Variants in ILKAP observed in about 807,000 individuals in gnomAD.
ILKAP encodes the protein ILK associated serine/threonine phosphatase.
Under a neutral mutation model 49.1 loss-of-function variants are expected in ILKAP, and 11 were observed. That is an observed-to-expected ratio of 0.22 (90% CI 0.14 to 0.37). The LOEUF is 0.37. Ranked by LOEUF, ILKAP falls within the 10% of genes least tolerant of loss-of-function variation. ILKAP has a pLI of 1.00. For missense variants in ILKAP, 363 were observed against 510.8 expected, an observed-to-expected ratio of 0.71 and a Z score of 2.79; for synonymous variants, 186 against 192.8, an observed-to-expected ratio of 0.96 and a Z score of 0.29.
chr2:238,191,057 T>C (rs188295424), intron 3 of ILKAP, among the ~76,000 whole-genome samples: 3 of 152,248 alleles, frequency 2.0e-5, no homozygotes, highest in East Asian at 3.9e-4. Context: ...TGTGTTCAAG[T>C]GATCCTTCCA....
intron 1 of ILKAP, among the ~76,000 whole-genome samples, chr2:238,195,877 T>C (rs544229690): frequency 4.6e-5 from 7 of 151,464 alleles, no homozygotes; most frequent in East Asian, 2.0e-4. Context: ...AAAATGTCTA[T>C]GAAAAAAATA....
intron 9 of ILKAP, among the ~76,000 whole-genome samples, chr2:238,178,342 T>C (rs566010391): frequency 6.6e-6 from 1 of 152,270 alleles, no homozygotes; most frequent in East Asian, 1.9e-4. Flanking sequence ...CCACCAGAAC[T>C]GGCTCCATGG....
At position 238,170,547 on chromosome 2, in the gene ILKAP, T is replaced by C. The variant is rs1693164918; in HGVS notation, c.1168A>G (p.Ile390Val). 5 of 1,603,132 alleles carry C rather than the reference T, an allele frequency of 3.1e-6. No homozygotes were observed. Among genetic ancestry groups the C allele is most frequent in the Non-Finnish European group, 4.3e-6 (5 of 1,171,690 alleles). The change falls in exon 12 of 12, where the codon ATA becomes GTA. Residue 390 changes from isoleucine to valine, a missense_variant. By Grantham distance (29) the Ile-to-Val change is conservative. Around this residue, in one of 3 missense-constraint regions of ILKAP, gnomAD observed 83 missense variants for 87.5 expected, o/e 0.95. Transcript: ENST00000254654. ...CCGCGCGCCACCCCTCAGTGCCCTA[T>C]CCGCACCACCATCACAGTGACGTTG... ...ADNVTVMVVR[I>V]GH
chr2:238,173,443 C>T (rs2106325673), intron 10 of ILKAP, 91 bp downstream of exon 10: 1 of 1,522,232 alleles, frequency 6.6e-7, no homozygotes, highest in Non-Finnish European at 9.0e-7. Flanking sequence ...TGCACACCTT[C>T]CCTCCAACAA....
At chr2:238,190,146 G>GA (rs1694063087) in intron 3 of ILKAP, among the ~76,000 whole-genome samples, 174 bp from the exon 4 acceptor site, 2 of 152,058 alleles carry the variant, frequency 1.3e-5, no homozygotes, top group African/African-American at 4.8e-5. Flanking sequence ...GGGGAGGGGG[G>GA]TCCCACAGTG....
intron 3 of ILKAP, among the ~76,000 whole-genome samples, chr2:238,191,379 T>A (rs894750999): frequency 2.0e-5 from 3 of 152,178 alleles, no homozygotes; most frequent in African/African-American, 7.2e-5. Context: ...GTGTCAGACA[T>A]TTCTTAGTGC....
At chr2:238,182,445 T>C (rs56236115) in intron 8 of ILKAP, among the ~76,000 whole-genome samples, 42,209 of 152,072 alleles carry the variant, frequency 0.28, 6,236 homozygotes, top group South Asian at 0.37. Context: ...TACAGACAAG[T>C]GCTCACTCTG....
intron 3 of ILKAP, among the ~76,000 whole-genome samples, chr2:238,192,011 G>C (rs1389115006): frequency 6.7e-6 from 1 of 149,480 alleles, no homozygotes; most frequent in Non-Finnish European, 1.5e-5. Flanking sequence ...AAGAGATTGA[G>C]ACCATCCTGG....
At chr2:238,188,866 T>A (rs549650357) in intron 4 of ILKAP, among the ~76,000 whole-genome samples, 2 of 152,302 alleles carry the variant, frequency 1.3e-5, no homozygotes, top group South Asian at 4.1e-4. Flanking sequence ...AATAATAAAA[T>A]GAACACTGTG....
At chr2:238,200,737 A>G (rs1694533458) in intron 1 of ILKAP, among the ~76,000 whole-genome samples, 1 of 152,196 alleles carries the variant, frequency 6.6e-6, no homozygotes. Flanking sequence ...TGGAAGAATC[A>G]CCTGTGCCCA....
chr2:238,181,463 G>C (rs1265294929), intron 9 of ILKAP, among the ~76,000 whole-genome samples: 1 of 152,172 alleles, frequency 6.6e-6, no homozygotes, highest in Non-Finnish European at 1.5e-5. Flanking sequence ...AAATGAAACT[G>C]CAAAAGACAG....
chr2:238,171,831 G>A (rs1323779259), intron 10 of ILKAP, among the ~76,000 whole-genome samples: 1 of 152,134 alleles, frequency 6.6e-6, no homozygotes, highest in African/African-American at 2.4e-5. Flanking sequence ...GTGTTCCTGT[G>A]TTTGAAAACC....
Position 238,185,275 on chromosome 2 carries a change from T to A in ILKAP, c.438A>T (p.Ser146=). Residue 146 remains serine (S), a synonymous_variant, in exon 6 of 12, where the codon TCA becomes TCT. Transcript: ENST00000254654. ...CATGTCCATCAAAAACAGCAAAATA[T>A]GAAACCCGAGTACTGAAAGAACGAA... is the stretch of plus-strand genomic sequence containing the variant. ...RPPSSLITRV[S]YFAVFDGHGG... is the part of the protein sequence containing the mutation. The A allele has an allele frequency of 6.2e-7, 1 of 1,609,822 alleles. No individual in the cohort carries two copies. Among genetic ancestry groups the A allele is most frequent in the South Asian group, 1.1e-5 (1 of 90,952 alleles).
intron 2 of ILKAP, 127 bp downstream of exon 2, chr2:238,194,678 A>T: frequency 1.0e-6 from 1 of 965,086 alleles, no homozygotes; most frequent in Non-Finnish European, 1.6e-6. Flanking sequence ...TTCAAAACTT[A>T]AAGACAGTCC....
chr2:238,174,514 G>C (rs1693363697), intron 9 of ILKAP, among the ~76,000 whole-genome samples: 1 of 152,180 alleles, frequency 6.6e-6, no homozygotes, highest in Non-Finnish European at 1.5e-5. Flanking sequence ...TCACCACGGG[G>C]CTCCCAAATC....
intron 3 of ILKAP, among the ~76,000 whole-genome samples, chr2:238,190,874 C>CT (rs200095745): frequency 0.2 from 14,917 of 75,986 alleles, 1,309 homozygotes; most frequent in Middle Eastern, 0.31. Flanking sequence ...AGACGTTTCT[C>CT]TTTAAAAAAA....
chr2:238,191,467 A>G (rs750408440), intron 3 of ILKAP, among the ~76,000 whole-genome samples: 6 of 152,264 alleles, frequency 3.9e-5, no homozygotes, highest in Non-Finnish European at 8.8e-5. Flanking sequence ...CTGCAACAGT[A>G]TAACATAATA....
chr2:238,191,364 C>A (rs192019906), intron 3 of ILKAP, among the ~76,000 whole-genome samples: 2 of 151,932 alleles, frequency 1.3e-5, no homozygotes, highest in Non-Finnish European at 2.9e-5. Context: ...GGTCTTGAAC[C>A]GCCTGTGTCA....
At position 238,191,394 on chromosome 2, in the gene ILKAP, G is replaced by A. The variant is rs116173225; in HGVS notation, c.179-1422C>T. On this transcript the variant is annotated intron_variant, in intron 3 of 11. Coordinates refer to ENST00000254654, the MANE Select transcript of ILKAP (RefSeq NM_030768.3). ...GTGTCAGACATTTCTTAGTGCTGAG[G>A]AAAAAGTAATGAAAATGTTCCTGCC... Among the ~76,000 whole-genome samples the A allele has an allele frequency of 2.2e-3, 329 of 152,228 alleles. 2 individuals carry two copies. Among genetic ancestry groups the A allele is most frequent in the Non-Finnish European group, 3.3e-3 (222 of 68,002 alleles).
Sources: allele counts gnomAD v4.1 joint callset (sites outside exome capture counted in the v4.1 genomes callset), GRCh38; gene constraint gnomAD v4.1.1; regional missense constraint gnomAD v4.1.1; transcripts MANE v1.5; gene names NCBI Gene and HGNC (gene_info 2026-07-23, HGNC 2026-07-21).